EPHB2: variants seen among roughly 807,000 people sequenced by gnomAD.
The protein encoded by EPHB2 is EPH receptor B2.
Under a neutral mutation model 96.4 loss-of-function variants are expected in EPHB2, and 18 were observed. That is an observed-to-expected ratio of 0.19 (90% CI 0.13 to 0.28). The LOEUF (loss-of-function observed/expected upper bound fraction) is 0.28, where lower values mean the gene tolerates loss of function less well. Ranked by LOEUF, EPHB2 falls within the 10% of genes least tolerant of loss-of-function variation. The pLI, the probability that EPHB2 is intolerant of heterozygous loss-of-function variation, is 1.00. For synonymous variants in EPHB2, 506 were observed against 534.1 expected (o/e 0.95, Z 0.72); for missense variants, 989 against 1,355.4 (o/e 0.73, Z 4.25).
At chr1:22,730,035 T>C (rs1643672515) in intron 1 of EPHB2, among the ~76,000 whole-genome samples, 1 of 152,202 alleles carries the variant, frequency 6.6e-6, no homozygotes, top group African/African-American at 2.4e-5. Context: ...GGAGTGGGAT[T>C]GAAGTCTGCA....
intron 1 of EPHB2, chr1:22,774,500 G>A (rs566294056): frequency 1.1e-6 from 1 of 920,856 alleles, no homozygotes; most frequent in Non-Finnish European, 1.3e-6. Flanking sequence ...GGCTAACAAA[G>A]CAAGAAGGGC....
At chr1:22,862,946 G>A (rs1376964411) in intron 3 of EPHB2, 91 bp from the exon 4 acceptor site, 48 of 1,547,142 alleles carry the variant, frequency 3.1e-5, no homozygotes, top group Non-Finnish European at 4.0e-5. Flanking sequence ...CCTCCGCGAG[G>A]CTGTGTGGCC....
intron 3 of EPHB2, among the ~76,000 whole-genome samples, chr1:22,785,701 G>A (rs896052696): frequency 1.3e-5 from 2 of 152,316 alleles, no homozygotes; most frequent in African/African-American, 2.4e-5. Flanking sequence ...ATGCGCCCCC[G>A]CCATAACCTC....
intron 3 of EPHB2, among the ~76,000 whole-genome samples, chr1:22,828,657 G>A (rs1218496895): frequency 4.6e-5 from 7 of 152,170 alleles, no homozygotes; most frequent in African/African-American, 1.7e-4. Context: ...CACGGCCACA[G>A]AAATGCACAG....
chr1:22,868,314 G>A (rs924014543), intron 5 of EPHB2, among the ~76,000 whole-genome samples: 1 of 152,166 alleles, frequency 6.6e-6, no homozygotes, highest in Non-Finnish European at 1.5e-5. Context: ...ACTGGATTAG[G>A]AGCAGAGACC....
intron 3 of EPHB2, chr1:22,800,128 C>G (rs1039664887): frequency 2.6e-5 from 4 of 152,290 alleles, no homozygotes; most frequent in Admixed American, 1.3e-4. Context: ...CCCGGAGACC[C>G]GGGAGGGATG....
In EPHB2 at chr1:22,779,122, G is replaced by A. The variant is rs531238418; in HGVS notation, c.62-2299G>A. Among the ~76,000 whole-genome samples, 4 of 152,378 alleles carry A rather than the reference G, an allele frequency of 2.6e-5. No individual in the cohort carries two copies. In the South Asian group the frequency reaches 8.3e-4, roughly 32 times the overall value. On this transcript the variant is annotated intron_variant, in intron 1 of 15. Coordinates refer to ENST00000374630, the MANE Select transcript of EPHB2 (RefSeq NM_017449.5). ...CCCGGCTTGGCGCGTCTCTGGCTGA[G>A]GCCGATGAGAGAAAACAGGTTAAAA...
chr1:22,870,293 T>C (rs953773056), intron 5 of EPHB2, among the ~76,000 whole-genome samples: 4 of 152,124 alleles, frequency 2.6e-5, no homozygotes, highest in Non-Finnish European at 5.9e-5. Context: ...TTCTGCCTCA[T>C]ATTCATGAGT....
rs1288780651 is a variant in EPHB2 at position 22,916,068 on chromosome 1, T to C, written c.*2498T>C. The C allele has an allele frequency of 2.0e-5, 3 of 152,248 alleles. No homozygotes were observed. Among genetic ancestry groups the C allele is most frequent in the Admixed American group, 6.5e-5 (1 of 15,280 alleles). 9.4% of individuals were successfully genotyped at this position (152,248 alleles called of 1,614,324 possible). On this transcript the variant is annotated 3_prime_UTR_variant, in exon 16 of 16. Transcript: ENST00000374630. The surrounding 1 kb of genome is among the most constrained non-coding windows in gnomAD (Gnocchi z 4.2). The stretch of plus-strand genomic sequence containing the variant: ...AGCAGGGCAAGCCACAGGGAAAGCA[T>C]TGGCAGGTTTCCCACAAACTGGCCG...
chr1:22,863,700 C>G (rs1028105003), intron 4 of EPHB2, among the ~76,000 whole-genome samples: 4 of 152,160 alleles, frequency 2.6e-5, no homozygotes, highest in Non-Finnish European at 5.9e-5. Flanking sequence ...CCAAAAGGAG[C>G]CCAAGGTAGA....
At chr1:22,867,897 A>C (rs1170248788) in intron 5 of EPHB2, among the ~76,000 whole-genome samples, 1 of 152,162 alleles carries the variant, frequency 6.6e-6, no homozygotes, top group African/African-American at 2.4e-5. Flanking sequence ...AAAAGTCAAC[A>C]AGTGATAGAA....
At chr1:22,743,255 A>G (rs1344310828) in intron 1 of EPHB2, among the ~76,000 whole-genome samples, 1 of 152,110 alleles carries the variant, frequency 6.6e-6, no homozygotes, top group African/African-American at 2.4e-5. Context: ...TGTATTGGCT[A>G]TTAATGGTCA....
At chr1:22,863,903 T>A (rs1638365581) in intron 4 of EPHB2, among the ~76,000 whole-genome samples, 1 of 152,124 alleles carries the variant, frequency 6.6e-6, no homozygotes, top group Non-Finnish European at 1.5e-5. Context: ...TTTTTCTAAT[T>A]TTTTGTAGAG....
intron 3 of EPHB2, among the ~76,000 whole-genome samples, chr1:22,837,051 G>T (rs1645396169): frequency 1.3e-5 from 2 of 152,214 alleles, no homozygotes; most frequent in African/African-American, 4.8e-5. Flanking sequence ...CGGCGGGGGA[G>T]GGGGGCCTGA....
chr1:22,833,650 G>A lies in EPHB2; in HGVS notation c.812-29387G>A, dbSNP rs118141735. 1.9e-3 allele frequency among the ~76,000 whole-genome samples: 286 copies of A among 152,176 alleles called. 11 individuals carry two copies. In the East Asian group the frequency reaches 0.04, roughly 21 times the overall value. ...AGCAGAGGGAATAAAAAGGCATACAGCAAATACAATCAATTCCACAGAATT... is the reference window on the plus strand; with the variant it reads ...AGCAGAGGGAATAAAAAGGCATACAACAAATACAATCAATTCCACAGAATT... On this transcript the variant is annotated intron_variant, in intron 3 of 15. Coordinates refer to ENST00000374630, the MANE Select transcript of EPHB2 (RefSeq NM_017449.5).
chr1:22,913,805 A>AT lies in EPHB2; in HGVS notation c.*236dup, dbSNP rs749065629. The AT allele has an allele frequency of 3.3e-5, 53 of 1,610,240 alleles. No homozygotes were observed. In the Middle Eastern group the frequency reaches 6.6e-4, roughly 20 times the overall value. On this transcript the variant is annotated 3_prime_UTR_variant, in exon 16 of 16. Transcript: ENST00000374630. The surrounding 1 kb of genome is among the most constrained non-coding windows in gnomAD (Gnocchi z 4.1). ...AACAGATCCTGGGAGGGGGCGGGAAATACAAGGAATATTTTTTAAAGAGGA... is the reference window on the plus strand; with the variant it reads ...AACAGATCCTGGGAGGGGGCGGGAAATTACAAGGAATATTTTTTAAAGAGGA...
chr1:22,859,214 A>G (rs1219132303), intron 3 of EPHB2, among the ~76,000 whole-genome samples: 1 of 141,868 alleles, frequency 7.0e-6, no homozygotes, highest in Non-Finnish European at 1.5e-5. Flanking sequence ...AAAGGGGTCT[A>G]GGAGTTTGCC....
chr1:22,723,153 G>C (rs971031795), intron 1 of EPHB2, among the ~76,000 whole-genome samples: 3 of 152,232 alleles, frequency 2.0e-5, no homozygotes, highest in Admixed American at 6.5e-5. Context: ...ATGGGAAGCC[G>C]GAAGGACAAA....
At chr1:22,746,631 A>G (rs1643978636) in intron 1 of EPHB2, among the ~76,000 whole-genome samples, 3 of 152,238 alleles carry the variant, frequency 2.0e-5, no homozygotes, top group African/African-American at 7.2e-5. Context: ...ATGATCGACC[A>G]CCTACTGTGG....
Sources: allele counts gnomAD v4.1 joint callset (sites outside exome capture counted in the v4.1 genomes callset), GRCh38; gene constraint gnomAD v4.1.1; non-coding constraint Gnocchi (gnomAD v3.1); transcripts MANE v1.5; gene names NCBI Gene and HGNC (gene_info 2026-07-23, HGNC 2026-07-21).